KCND3: variants seen among roughly 807,000 people sequenced by gnomAD.
The protein encoded by KCND3 is A-type voltage-gated potassium channel KCND3.
A neutral mutation model predicts 51.1 loss-of-function variants in KCND3; 9 were observed. That is an observed-to-expected ratio of 0.18 (90% CI 0.11 to 0.31). KCND3 has a LOEUF of 0.31. KCND3 is among the 10% of genes least tolerant of loss of function. The pLI is 1.00. For synonymous variants in KCND3, 349 were observed against 368.0 expected, an observed-to-expected ratio of 0.95 and a Z score of 0.59; for missense variants, 526 against 903.8, an observed-to-expected ratio of 0.58 and a Z score of 5.36.
chr1:111,975,119 G>A (rs1214490189), intron 2 of KCND3, among the ~76,000 whole-genome samples: 1 of 152,204 alleles, frequency 6.6e-6, no homozygotes, highest in African/African-American at 2.4e-5. Flanking sequence ...ACTGTGCCCA[G>A]CCACTTGCCA....
chr1:111,975,386 C>G (rs1316864497), intron 2 of KCND3, among the ~76,000 whole-genome samples: 1 of 152,146 alleles, frequency 6.6e-6, no homozygotes, highest in African/African-American at 2.4e-5. Flanking sequence ...AGCCAGTCCC[C>G]TGTTGTGGGA....
chr1:111,921,426 G>A (rs1671471991), intron 2 of KCND3, among the ~76,000 whole-genome samples: 1 of 152,202 alleles, frequency 6.6e-6, no homozygotes, highest in Admixed American at 6.5e-5. Context: ...TCTTTTGGAA[G>A]GACCATTTAC....
At chr1:111,957,949 G>T (rs1425714597) in intron 2 of KCND3, among the ~76,000 whole-genome samples, 1 of 152,208 alleles carries the variant, frequency 6.6e-6, no homozygotes, top group African/African-American at 2.4e-5. Context: ...AAAGAGGGGG[G>T]AAAGCACTCT....
At chr1:111,923,427 T>C (rs768702976) in intron 2 of KCND3, among the ~76,000 whole-genome samples, 5 of 152,162 alleles carry the variant, frequency 3.3e-5, no homozygotes, top group Non-Finnish European at 5.9e-5. Context: ...CTGTGCCCCA[T>C]CTTCCCAAAG....
At chr1:111,888,239 G>A (rs1669657613) in intron 2 of KCND3, among the ~76,000 whole-genome samples, 1 of 152,268 alleles carries the variant, frequency 6.6e-6, no homozygotes. Flanking sequence ...AGAAGCTGGA[G>A]GTGGTGGGGA....
Position 111,954,603 on chromosome 1 carries a change from C to T in KCND3, c.1106+27018G>A, listed in dbSNP as rs533414424. On this transcript the variant is annotated intron_variant, in intron 2 of 7. Coordinates refer to ENST00000302127, the MANE Select transcript of KCND3 (RefSeq NM_001378969.1). ...GTGCTTGTTCCATTCTCCCAACTGC[C>T]AGAGTGGGATTCTGGCTGGCATCTG... Among the ~76,000 whole-genome samples the T allele has an allele frequency of 5.5e-4, 84 of 152,330 alleles. 1 individual carries two copies. The highest frequency in any genetic ancestry group is 6.3e-4 in the Non-Finnish European group (43 of 68,028).
chr1:111,886,217 C>A (rs1031213263), intron 2 of KCND3, among the ~76,000 whole-genome samples: 6 of 152,172 alleles, frequency 3.9e-5, no homozygotes, highest in Admixed American at 6.5e-5. Context: ...AACAAGCAGA[C>A]CCACCAACAT....
intron 2 of KCND3, among the ~76,000 whole-genome samples, chr1:111,917,245 T>A (rs1258191142): frequency 1.3e-5 from 2 of 152,142 alleles, no homozygotes; most frequent in Non-Finnish European, 2.9e-5. Flanking sequence ...GTATTGAAAA[T>A]CCTAGCTGGT....
chr1:111,857,668 G>A (rs1035728429), intron 2 of KCND3, among the ~76,000 whole-genome samples: 10 of 151,402 alleles, frequency 6.6e-5, no homozygotes, highest in African/African-American at 2.4e-4. Flanking sequence ...AGTACTCCTA[G>A]GCTTGCCCCC....
chr1:111,892,177 G>A (rs923847710), intron 2 of KCND3, among the ~76,000 whole-genome samples: 1 of 152,214 alleles, frequency 6.6e-6, no homozygotes, highest in Non-Finnish European at 1.5e-5. Context: ...TGAGGCAGGT[G>A]TTTCAGGTGG....
At chr1:111,835,925 A>G (rs1437239229) in intron 2 of KCND3, among the ~76,000 whole-genome samples, 1 of 152,216 alleles carries the variant, frequency 6.6e-6, no homozygotes. Flanking sequence ...TGTGAAGTCT[A>G]AGAACCCTCT....
intron 2 of KCND3, among the ~76,000 whole-genome samples, chr1:111,841,556 G>GTTAAATTCTCTGAGGTGTC (rs1174714144): frequency 6.6e-6 from 1 of 152,210 alleles, no homozygotes; most frequent in Non-Finnish European, 1.5e-5. Flanking sequence ...CTCAGAGCAA[G>GTTAAATTCTCTGAGGTGTC]TTAAATTCTC....
chr1:111,819,754 G>T (rs943539547), intron 2 of KCND3, among the ~76,000 whole-genome samples: 2 of 152,212 alleles, frequency 1.3e-5, no homozygotes, highest in African/African-American at 4.8e-5. Context: ...CGAGGGTCTT[G>T]AAGGTCTCCC....
chr1:111,786,475 G>A (rs1343678483), intron 3 of KCND3, among the ~76,000 whole-genome samples: 1 of 152,186 alleles, frequency 6.6e-6, no homozygotes, highest in Non-Finnish European at 1.5e-5. Context: ...AGCCTGTTGT[G>A]CCATTTGTCC....
At chr1:111,870,914 T>A (rs1668801628) in intron 2 of KCND3, among the ~76,000 whole-genome samples, 1 of 152,132 alleles carries the variant, frequency 6.6e-6, no homozygotes, top group Non-Finnish European at 1.5e-5. Context: ...AGTAGGGATA[T>A]AACGGGAATA....
intron 2 of KCND3, among the ~76,000 whole-genome samples, chr1:111,792,333 T>C (rs1664869368): frequency 1.3e-5 from 2 of 152,204 alleles, no homozygotes; most frequent in Non-Finnish European, 2.9e-5. Flanking sequence ...TTGTTCAAGG[T>C]CACTCAGGTA....
At chr1:111,887,821 A>G (rs1211840519) in intron 2 of KCND3, among the ~76,000 whole-genome samples, 2 of 152,254 alleles carry the variant, frequency 1.3e-5, no homozygotes, top group Non-Finnish European at 2.9e-5. Context: ...AGGACCTGGG[A>G]GAAGGACTTG....
At chr1:111,875,393 G>A (rs1669005818) in intron 2 of KCND3, among the ~76,000 whole-genome samples, 3 of 152,190 alleles carry the variant, frequency 2.0e-5, no homozygotes, top group Admixed American at 2.0e-4. Context: ...GCAGTGAGCT[G>A]TCCCCAAGAC....
At chr1:111,824,119 C>CAAAAA in intron 2 of KCND3, among the ~76,000 whole-genome samples, 1 of 118,956 alleles carries the variant, frequency 8.4e-6, no homozygotes. Context: ...TCTCCAACTC[C>CAAAAA]AAAAAAAAAA....
Sources: allele counts gnomAD v4.1 joint callset (sites outside exome capture counted in the v4.1 genomes callset), GRCh38; gene constraint gnomAD v4.1.1; transcripts MANE v1.5; gene names NCBI Gene and HGNC (gene_info 2026-07-23, HGNC 2026-07-21).